Variants in ZNF451 observed in about 807,000 individuals in gnomAD.
ZNF451 encodes the protein E3 SUMO-protein ligase ZNF451.
A neutral mutation model predicts 107.1 loss-of-function variants in ZNF451; 80 were observed. That is an observed-to-expected ratio of 0.75 (90% CI 0.62 to 0.90). The LOEUF is 0.90. Ranked by LOEUF, ZNF451 falls within the 40% of genes least tolerant of loss-of-function variation. The pLI is 0.00. For synonymous variants in ZNF451, 362 were observed against 406.5 expected (o/e 0.89, Z 1.32); for missense variants, 1,107 against 1,236.2 (o/e 0.90, Z 1.57).
chr6:57,155,085 TTA>T (rs1328831443), intron 13 of ZNF451, among the ~76,000 whole-genome samples: 1 of 152,204 alleles, frequency 6.6e-6, no homozygotes, highest in African/African-American at 2.4e-5. Context: ...TCTTGTGTCT[TTA>T]TGTCATGCCT....
At chr6:57,109,611 A>G (rs1830023262) in intron 3 of ZNF451, 2 of 985,220 alleles carry the variant, frequency 2.0e-6, no homozygotes, top group Non-Finnish European at 2.4e-6. Context: ...CAGCATGTAA[A>G]TGTTCATTTC....
chr6:57,093,632 T>C (rs996136318), intron 2 of ZNF451, among the ~76,000 whole-genome samples: 1 of 152,184 alleles, frequency 6.6e-6, no homozygotes, highest in African/African-American at 2.4e-5. Flanking sequence ...AGAAAGTACA[T>C]AGTGCTGTTA....
rs931229710 is a variant in ZNF451 at position 57,106,833 on chromosome 6, T to C, written c.186+7692T>C. 2.6e-5 allele frequency: 26 copies of C among 982,588 alleles called. No homozygotes were observed. The African/African-American group carries it at 4.0e-4, about 15-fold the overall frequency. The allele number at this position is 982,588 out of a possible 1,614,324, so 60.9% of individuals were successfully genotyped here. Reference sequence around the variant, plus strand: ...ACACAAACCAGTCTTTATTTTTTACTTAAGAAAATATATAAGTGGAAGTTA... The same window carrying C: ...ACACAAACCAGTCTTTATTTTTTACCTAAGAAAATATATAAGTGGAAGTTA... On this transcript the variant is annotated intron_variant, in intron 3 of 14. Transcript: ENST00000370706.
intron 13 of ZNF451, chr6:57,158,809 G>T (rs1763543459): frequency 2.0e-6 from 2 of 985,346 alleles, no homozygotes; most frequent in African/African-American, 3.5e-5. Flanking sequence ...TTATAAGCCT[G>T]AGACTGTCAT....
intron 3 of ZNF451, among the ~76,000 whole-genome samples, chr6:57,110,114 G>A (rs1830043950): frequency 6.6e-6 from 1 of 152,146 alleles, no homozygotes; most frequent in Admixed American, 6.5e-5. Context: ...TTAGGCAAGA[G>A]TTAGTTGGCC....
intron 8 of ZNF451, 104 bp downstream of exon 8, chr6:57,141,559 TTAGAAC>T (rs1831761620): frequency 9.4e-7 from 1 of 1,067,790 alleles, no homozygotes; most frequent in East Asian, 2.6e-5. Context: ...CATCTTAGTT[TTAGAAC>T]TATGAAAGTA....
chr6:57,105,942 T>G (rs899524172), intron 3 of ZNF451: 1 of 985,084 alleles, frequency 1.0e-6, no homozygotes, highest in African/African-American at 1.7e-5. Context: ...ATAATTCCAT[T>G]TATTTACTTA....
At chr6:57,120,200 A>C (rs1830573208) in intron 3 of ZNF451, among the ~76,000 whole-genome samples, 1 of 152,062 alleles carries the variant, frequency 6.6e-6, no homozygotes, top group African/African-American at 2.4e-5. Flanking sequence ...GGCTTCTTTC[A>C]CTTAGTAATC....
intron 3 of ZNF451, chr6:57,109,076 A>G: frequency 2.0e-6 from 2 of 985,350 alleles, no homozygotes; most frequent in Non-Finnish European, 2.4e-6. Context: ...CTAGTATTTG[A>G]TGTCTTAGCT....
chr6:57,166,907 T>C (rs1328330239), intron 14 of ZNF451, among the ~76,000 whole-genome samples: 6 of 152,220 alleles, frequency 3.9e-5, no homozygotes. Context: ...ATCCACTGTT[T>C]ACCAAAAGTT....
At chr6:57,123,378 A>G (rs1830738095) in intron 3 of ZNF451, among the ~76,000 whole-genome samples, 2 of 152,210 alleles carry the variant, frequency 1.3e-5, no homozygotes, top group Non-Finnish European at 1.5e-5. Flanking sequence ...ATGCAGCTGG[A>G]AGCTGCTACC....
rs569389333 is a variant in ZNF451, at chr6:57,127,616, G to C, written c.313-1113G>C. 1.4e-3 allele frequency among the ~76,000 whole-genome samples: 219 copies of C among 152,186 alleles called. 2 individuals carry two copies. Among genetic ancestry groups the C allele is most frequent in the Non-Finnish European group, 2.1e-3 (144 of 68,010 alleles). On this transcript the variant is annotated intron_variant, in intron 4 of 14. Coordinates refer to ENST00000370706, the MANE Select transcript of ZNF451 (RefSeq NM_001031623.3). ...AGAGGCAGTATGATTATACTCGTTA[G>C]GGCATGAATTCTAGAATCAGATTGC...
chr6:57,120,959 G>A (rs1215888649), intron 3 of ZNF451, among the ~76,000 whole-genome samples: 1 of 152,054 alleles, frequency 6.6e-6, no homozygotes, highest in Non-Finnish European at 1.5e-5. Flanking sequence ...TCATTGTCAT[G>A]CACAAGGTCA....
chr6:57,105,350 G>T (rs1219893748), intron 3 of ZNF451: 1 of 983,558 alleles, frequency 1.0e-6, no homozygotes, highest in Non-Finnish European at 1.2e-6. Flanking sequence ...TAGTTACTGT[G>T]TATAGAGAAG....
intron 8 of ZNF451, 65 bp downstream of exon 8, chr6:57,141,520 C>G: frequency 7.0e-7 from 1 of 1,419,532 alleles, no homozygotes; most frequent in Non-Finnish European, 9.6e-7. Flanking sequence ...TATCATACTT[C>G]TCAGATCATT....
chr6:57,100,827 T>C, intron 3 of ZNF451: 1 of 1,548,166 alleles, frequency 6.5e-7, no homozygotes, highest in Non-Finnish European at 8.7e-7. Flanking sequence ...CAGAGACCCT[T>C]AAATCATCAC....
chr6:57,118,463 T>C (rs1322772726), intron 3 of ZNF451, among the ~76,000 whole-genome samples: 1 of 152,216 alleles, frequency 6.6e-6, no homozygotes, highest in Non-Finnish European at 1.5e-5. Context: ...CTACATTTTG[T>C]AGTTTTTGCA....
chr6:57,095,141 A>G (rs998598194), intron 2 of ZNF451, among the ~76,000 whole-genome samples: 1 of 152,056 alleles, frequency 6.6e-6, no homozygotes, highest in East Asian at 1.9e-4. Flanking sequence ...TGTATAAGTA[A>G]TCTTTTCCTT....
At chr6:57,128,044 G>A (rs565709166) in intron 4 of ZNF451, among the ~76,000 whole-genome samples, 1 of 152,278 alleles carries the variant, frequency 6.6e-6, no homozygotes, top group South Asian at 2.1e-4. Context: ...AAGCCATAAT[G>A]AAATATTAAC....
Sources: gnomAD v4.1 joint callset for allele counts (sites outside exome capture counted in the v4.1 genomes callset) on GRCh38, gnomAD v4.1.1 for gene constraint, MANE v1.5 for transcripts, NCBI Gene and HGNC (gene_info 2026-07-23, HGNC 2026-07-21) for gene names.